The following ANXA6 variants were observed in gnomAD, a reference collection of about 807,000 sequenced individuals.
ANXA6 encodes the protein annexin A6.
ANXA6 carries 71 observed loss-of-function variants against 95.4 expected under a neutral mutation model. That is an observed-to-expected ratio of 0.74 (90% confidence interval 0.61 to 0.91). The LOEUF (loss-of-function observed/expected upper bound fraction) is 0.91. Among genes scored for constraint, ANXA6 ranks in the 40% least tolerant of loss-of-function variants. The pLI is 0.00. For synonymous variants in ANXA6, 289 were observed against 315.9 expected, an observed-to-expected ratio of 0.91 and a Z score of 0.90; for missense variants, 830 against 876.4, an observed-to-expected ratio of 0.95 and a Z score of 0.67.
chr5:151,129,867 C>T (rs555144186), intron 11 of ANXA6, among the ~76,000 whole-genome samples: 22 of 152,182 alleles, frequency 1.4e-4, no homozygotes, highest in Admixed American at 9.2e-4. Context: ...CCCACCACTA[C>T]GCCTGGCTAA....
chr5:151,119,413 A>G, intron 17 of ANXA6, 23 bp from the exon 18 acceptor site: 2 of 1,609,128 alleles, frequency 1.2e-6, no homozygotes, highest in Non-Finnish European at 1.7e-6. Flanking sequence ...GGCAAAGATG[A>G]TCTCAGCCAT....
At chr5:151,148,772 G>A (rs551928229) in intron 1 of ANXA6, among the ~76,000 whole-genome samples, 16 of 152,284 alleles carry the variant, frequency 1.1e-4, no homozygotes, top group African/African-American at 3.4e-4. Context: ...CACACCGCGG[G>A]GTGGTGCAAG....
At chr5:151,117,025 G>A in intron 20 of ANXA6, 102 bp downstream of exon 20, 1 of 1,089,086 alleles carries the variant, frequency 9.2e-7, no homozygotes, top group Non-Finnish European at 1.3e-6. Context: ...CCCCTGCCAG[G>A]AGCCTTCACT....
chr5:151,125,323 C>T (rs1765285919), intron 14 of ANXA6, among the ~76,000 whole-genome samples: 1 of 116,806 alleles, frequency 8.6e-6, no homozygotes, highest in African/African-American at 3.4e-5. Context: ...GCCTGGATAA[C>T]AGAGTGAGAC....
intron 1 of ANXA6, among the ~76,000 whole-genome samples, chr5:151,151,686 T>C (rs951224): frequency 0.45 from 68,579 of 152,020 alleles, 16,097 homozygotes; most frequent in East Asian, 0.78. Flanking sequence ...AGACTTCAAC[T>C]CAGGATTTTC....
Position 151,109,835 on chromosome 5 carries a change from G to A in ANXA6, c.1602C>T (p.Asp534=). 6.2e-7 allele frequency: 1 copy of A among 1,605,572 alleles called. No homozygotes were observed. The highest frequency in any genetic ancestry group is 8.5e-7 in the Non-Finnish European group (1 of 1,175,422). The stretch of plus-strand genomic sequence containing the variant: ...AGGAAGTTTTGTCTCCACTAGGTGT[G>A]TCTGCTATTTCCTGCAGAGCCCCAG... The part of the protein sequence containing the change: ...QVAAEILEIA[D]TPSGDKTSLE... The change falls in exon 22 of 26, where the codon GAC becomes GAT. Residue 534 remains aspartate, a synonymous_variant. Transcript: ENST00000354546.
At chr5:151,126,571 C>CA (rs1765325932) in intron 13 of ANXA6, 91 bp from the exon 14 acceptor site, 22 of 912,638 alleles carry the variant, frequency 2.4e-5, no homozygotes, top group South Asian at 1.9e-4. Flanking sequence ...CACACACACA[C>CA]CCCAACACAT....
chr5:151,103,647 G>C lies in ANXA6; in HGVS notation c.1885C>G (p.Arg629Gly). Residue 629 changes from arginine (R) to glycine (G), a missense_variant, in exon 25 of 26, where the codon CGC becomes GGC. Arg to Gly is a moderately radical substitution (Grantham distance 125). Transcript: ENST00000354546. ...EKTLTRIMVS[R>G]SEIDLLNIRR... ...ATGTTGAGCAGGTCAATCTCACTGC[G>C]GGATACCATGATCCTGGTCAGAGTC... The C allele has an allele frequency of 1.9e-6, 3 of 1,611,028 alleles. No individual in the cohort carries two copies. The highest frequency in any genetic ancestry group is 2.5e-6 in the Non-Finnish European group (3 of 1,178,686).
intron 5 of ANXA6, 110 bp from the exon 6 acceptor site, chr5:151,137,431 T>C: frequency 1.4e-6 from 1 of 739,436 alleles, no homozygotes; most frequent in Non-Finnish European, 2.2e-6. Flanking sequence ...CTCAGGAGGT[T>C]CCTACCCAGC....
At chr5:151,107,697 TAATGAG>T (rs1266511837) in intron 23 of ANXA6, among the ~76,000 whole-genome samples, 2 of 152,234 alleles carry the variant, frequency 1.3e-5, no homozygotes, top group African/African-American at 4.8e-5. Context: ...TGATGAATAT[TAATGAG>T]AATAACTTCA....
At chr5:151,127,736 T>C (rs1359631941) in intron 13 of ANXA6, among the ~76,000 whole-genome samples, 3 of 152,248 alleles carry the variant, frequency 2.0e-5, no homozygotes, top group Non-Finnish European at 4.4e-5. Context: ...TTCTGCGCTG[T>C]GGCCTTCATC....
At chr5:151,128,503 G>A in intron 12 of ANXA6, 1 of 444,586 alleles carries the variant, frequency 2.2e-6, no homozygotes. Flanking sequence ...ATATGACTTT[G>A]CTACCAATAT....
chr5:151,125,496 G>T (rs1765292430), intron 14 of ANXA6, among the ~76,000 whole-genome samples: 1 of 152,086 alleles, frequency 6.6e-6, no homozygotes, highest in Non-Finnish European at 1.5e-5. Context: ...TTAACATGAT[G>T]CCTCTACTTG....
chr5:151,153,815 C>T (rs990303882), intron 1 of ANXA6, among the ~76,000 whole-genome samples: 1 of 152,144 alleles, frequency 6.6e-6, no homozygotes, highest in African/African-American at 2.4e-5. Context: ...GTCTTTTGAG[C>T]TGGTTATAAC....
intron 14 of ANXA6, 116 bp from the exon 15 acceptor site, chr5:151,124,483 G>C: frequency 1.1e-6 from 1 of 928,714 alleles, no homozygotes; most frequent in Non-Finnish European, 1.7e-6. Context: ...AAGCGGCGTG[G>C]GTGGGGAAAG....
chr5:151,119,555 T>A (rs1765103877), intron 17 of ANXA6, among the ~76,000 whole-genome samples, 165 bp from the exon 18 acceptor site: 1 of 152,224 alleles, frequency 6.6e-6, no homozygotes, highest in Non-Finnish European at 1.5e-5. Flanking sequence ...AGGCTGACTA[T>A]GCCAGCCTCT....
At chr5:151,132,049 C>T (rs564646950) in intron 10 of ANXA6, among the ~76,000 whole-genome samples, 1 of 152,312 alleles carries the variant, frequency 6.6e-6, no homozygotes, top group Admixed American at 6.5e-5. Flanking sequence ...AAAACTACCC[C>T]TCAGGAAATG....
rs1194995991 is a variant in ANXA6, at chr5:151,126,474, A to G, written c.984T>C (p.Ala328=). Residue 328 remains alanine, a synonymous_variant, in exon 14 of 26, where the codon GCT becomes GCC. Transcript: ENST00000354546. The part of the protein sequence containing the change: ...LKLSGGDDDA[A]GQFFPEAAQV... ...GCGCTGCCTCCGGGAAGAACTGGCC[A>G]GCAGCACTGGAATGGAGGGGTTTAG... 6.8e-6 allele frequency: 11 copies of G among 1,609,102 alleles called. No individual in the cohort carries two copies. The highest frequency in any genetic ancestry group is 8.5e-7 in the Non-Finnish European group (1 of 1,177,816).
At chr5:151,153,294 C>G (rs1766152285) in intron 1 of ANXA6, among the ~76,000 whole-genome samples, 1 of 152,222 alleles carries the variant, frequency 6.6e-6, no homozygotes, top group Admixed American at 6.5e-5. Flanking sequence ...TTCAAAACTA[C>G]CAAAGATTTA....
Sources: gnomAD v4.1 joint callset for allele counts (sites outside exome capture counted in the v4.1 genomes callset) on GRCh38, gnomAD v4.1.1 for gene constraint, MANE v1.5 for transcripts, NCBI Gene and HGNC (gene_info 2026-07-23, HGNC 2026-07-21) for gene names.